The following CNTN5 variants were observed in gnomAD, a reference collection of about 807,000 sequenced individuals.
CNTN5 encodes contactin-5.
Under a neutral mutation model 129.1 loss-of-function variants are expected in CNTN5, and 77 were observed. The ratio of observed to expected loss-of-function variants is 0.60; its 90% CI spans 0.50 to 0.72. CNTN5 has a LOEUF of 0.72. Ranked by LOEUF, CNTN5 falls within the 30% of genes least tolerant of loss-of-function variation. The probability of loss-of-function intolerance (pLI) is 0.00; values close to 1 mark genes in which losing one functional copy is unlikely to be tolerated. For synonymous variants in CNTN5, 509 were observed against 465.6 expected (o/e 1.09, Z -1.20); for missense variants, 1,478 against 1,328.8 (o/e 1.11, Z -1.75).
At chr11:99,410,356 C>G (rs969450243) in intron 2 of CNTN5, among the ~76,000 whole-genome samples, 1 of 152,008 alleles carries the variant, frequency 6.6e-6, no homozygotes, top group Non-Finnish European at 1.5e-5. Flanking sequence ...AAAACAAGGA[C>G]AAGAATTAAC....
chr11:99,273,798 A>T (rs1472650312), intron 1 of CNTN5, among the ~76,000 whole-genome samples: 2 of 149,738 alleles, frequency 1.3e-5, no homozygotes, highest in African/African-American at 4.9e-5. Flanking sequence ...TATACTTATG[A>T]TTTTTTTTTT....
chr11:99,382,422 C>A (rs1026692911), intron 2 of CNTN5, among the ~76,000 whole-genome samples: 18 of 152,108 alleles, frequency 1.2e-4, no homozygotes, highest in Non-Finnish European at 2.4e-4. Flanking sequence ...ATTAAAGAGG[C>A]CTTTGTTGTT....
chr11:99,403,704 A>G (rs1941938305), intron 2 of CNTN5, among the ~76,000 whole-genome samples: 1 of 152,100 alleles, frequency 6.6e-6, no homozygotes, highest in Non-Finnish European at 1.5e-5. Context: ...TTTATTCCAT[A>G]GTAGTTAGAG....
At chr11:99,677,777 A>G (rs532270238) in intron 3 of CNTN5, among the ~76,000 whole-genome samples, 19 of 152,278 alleles carry the variant, frequency 1.2e-4, no homozygotes, top group African/African-American at 3.6e-4. Flanking sequence ...GTATGTACCT[A>G]TGTGTAAACA....
intron 1 of CNTN5, among the ~76,000 whole-genome samples, chr11:99,170,657 A>G (rs371592777): frequency 1.3e-5 from 2 of 152,232 alleles, no homozygotes; most frequent in South Asian, 2.1e-4. Context: ...AAAGTAGAAC[A>G]GAAGCATTTT....
chr11:100,321,411 G>A (rs1951694548), intron 21 of CNTN5, among the ~76,000 whole-genome samples: 1 of 148,574 alleles, frequency 6.7e-6, no homozygotes, highest in South Asian at 2.1e-4. Context: ...TTTTTATCTT[G>A]TAATTTTCAT....
chr11:100,023,190 T>G (rs1416795388), intron 9 of CNTN5, among the ~76,000 whole-genome samples: 1 of 152,224 alleles, frequency 6.6e-6, no homozygotes, highest in South Asian at 2.1e-4. Context: ...TCATCGCTTT[T>G]CTTTTGTCTT....
At chr11:99,036,017 C>T (rs1326556908) in intron 1 of CNTN5, among the ~76,000 whole-genome samples, 1 of 151,970 alleles carries the variant, frequency 6.6e-6, no homozygotes, top group East Asian at 1.9e-4. Flanking sequence ...TTTTATTTCT[C>T]CTTCACTTAT....
chr11:99,209,029 T>C (rs1438729892), intron 1 of CNTN5, among the ~76,000 whole-genome samples: 1 of 152,140 alleles, frequency 6.6e-6, no homozygotes, highest in Non-Finnish European at 1.5e-5. Flanking sequence ...AAATATAAAA[T>C]CTATTTTAAT....
chr11:99,766,055 C>A (rs1011477769), intron 3 of CNTN5, among the ~76,000 whole-genome samples: 1 of 151,926 alleles, frequency 6.6e-6, no homozygotes, highest in Admixed American at 6.6e-5. Context: ...CTCTGGTAAT[C>A]AAATGTTATT....
chr11:100,331,666 T>C (rs1168211595), intron 21 of CNTN5, among the ~76,000 whole-genome samples: 1 of 152,110 alleles, frequency 6.6e-6, no homozygotes, highest in East Asian at 1.9e-4. Context: ...AAATTGGAGA[T>C]GAGTTCAAAA....
intron 13 of CNTN5, among the ~76,000 whole-genome samples, chr11:100,084,923 C>G (rs1393370523): frequency 6.6e-6 from 1 of 152,032 alleles, no homozygotes; most frequent in African/African-American, 2.4e-5. Flanking sequence ...TATAAACCGA[C>G]AGTAGACAGA....
intron 4 of CNTN5, among the ~76,000 whole-genome samples, chr11:99,823,078 C>A (rs191534684): frequency 1.3e-5 from 2 of 152,284 alleles, no homozygotes; most frequent in East Asian, 3.9e-4. Context: ...TGAGTTTACA[C>A]GTGTATCCGT....
intron 18 of CNTN5, among the ~76,000 whole-genome samples, chr11:100,292,872 A>T (rs771969122): frequency 6.6e-6 from 1 of 151,982 alleles, no homozygotes; most frequent in Non-Finnish European, 1.5e-5. Context: ...TTCAGAAAAC[A>T]GTCGTTTAAT....
intron 2 of CNTN5, among the ~76,000 whole-genome samples, chr11:99,448,346 C>A (rs1944154278): frequency 1.3e-5 from 2 of 152,032 alleles, no homozygotes; most frequent in Non-Finnish European, 2.9e-5. Context: ...GACATAAAAA[C>A]CATGGGAGGC....
At chr11:99,428,559 CAAAAAAAAAA>C (rs60754666) in intron 2 of CNTN5, among the ~76,000 whole-genome samples, 1 of 57,316 alleles carries the variant, frequency 1.7e-5, no homozygotes, top group African/African-American at 5.8e-5. Flanking sequence ...GACCCTGTCT[CAAAAAAAAAA>C]AAAAAAAAGG....
At position 99,725,319 on chromosome 11, in the gene CNTN5, G is replaced by A. The variant is rs375186251; in HGVS notation, c.56-94225G>A. ...GATTTTTTGTTTTTGAAAGGAGAAG[G>A]TAGATATAATTTGAAAACTATGATA... On this transcript the variant is annotated intron_variant, in intron 3 of 24. Transcript: ENST00000524871. Among the ~76,000 whole-genome samples the A allele has an allele frequency of 1.2e-4, 18 of 152,152 alleles. 1 individual carries two copies. The South Asian group carries it at 3.3e-3, about 28-fold the overall frequency.
At chr11:100,031,207 C>G (rs1272728979) in intron 9 of CNTN5, among the ~76,000 whole-genome samples, 1 of 152,124 alleles carries the variant, frequency 6.6e-6, no homozygotes, top group South Asian at 2.1e-4. Context: ...CTATATCACA[C>G]GAAACTATTG....
intron 3 of CNTN5, among the ~76,000 whole-genome samples, chr11:99,770,286 A>C (rs1317078003): frequency 6.6e-6 from 1 of 152,162 alleles, no homozygotes. Flanking sequence ...AGTCAAAACT[A>C]TACAAAGGTA....
Sources: allele counts gnomAD v4.1 joint callset (sites outside exome capture counted in the v4.1 genomes callset), GRCh38; gene constraint gnomAD v4.1.1; transcripts MANE v1.5; gene names NCBI Gene and HGNC (gene_info 2026-07-23, HGNC 2026-07-21).